NRG3: variants seen among roughly 807,000 people sequenced by gnomAD.
NRG3 encodes pro-neuregulin-3, membrane-bound isoform.
NRG3 carries 31 observed loss-of-function variants against 66.9 expected under a neutral mutation model. That is an observed-to-expected ratio of 0.46 (90% CI 0.35 to 0.63). The LOEUF (loss-of-function observed/expected upper bound fraction) is 0.63. Among genes scored for constraint, NRG3 ranks in the 20% least tolerant of loss-of-function variants. NRG3 has a pLI of 0.00. For missense variants in NRG3, 910 were observed against 878.9 expected (o/e 1.04, Z -0.45); for synonymous variants, 393 against 359.4 (o/e 1.09, Z -1.06).
intron 1 of NRG3, among the ~76,000 whole-genome samples, chr10:82,204,399 G>T (rs1016057349): frequency 6.6e-6 from 1 of 152,188 alleles, no homozygotes; most frequent in East Asian, 1.9e-4. Flanking sequence ...TCATCAGTGG[G>T]CTCCTTTGCC....
At chr10:82,296,119 A>C (rs1157832998) in intron 1 of NRG3, among the ~76,000 whole-genome samples, 1 of 152,186 alleles carries the variant, frequency 6.6e-6, no homozygotes, top group Non-Finnish European at 1.5e-5. Context: ...AAGGTTGGGC[A>C]TGAGCATTTC....
chr10:82,317,733 A>G (rs2081366973), intron 1 of NRG3, among the ~76,000 whole-genome samples: 1 of 152,232 alleles, frequency 6.6e-6, no homozygotes, highest in African/African-American at 2.4e-5. Flanking sequence ...ATAATGAGAC[A>G]AGTCTCAATC....
chr10:82,285,350 T>C (rs949259429), intron 1 of NRG3, among the ~76,000 whole-genome samples: 2 of 152,208 alleles, frequency 1.3e-5, no homozygotes, highest in African/African-American at 2.4e-5. Flanking sequence ...TTTTCATTCC[T>C]GGATCAATCC....
At chr10:82,371,498 A>G (rs1410075632) in intron 2 of NRG3, among the ~76,000 whole-genome samples, 1 of 152,170 alleles carries the variant, frequency 6.6e-6, no homozygotes, top group Non-Finnish European at 1.5e-5. Context: ...AGTGGTAAGA[A>G]TATAGTGATG....
intron 2 of NRG3, among the ~76,000 whole-genome samples, chr10:82,509,182 TC>T (rs1420189531): frequency 6.6e-6 from 1 of 151,712 alleles, no homozygotes; most frequent in Admixed American, 6.6e-5. Context: ...AGTTTTCTTC[TC>T]CTTGCCATAC....
chr10:82,903,975 A>G lies in NRG3; in HGVS notation c.1054+38538A>G, dbSNP rs77541994. On this transcript the variant is annotated intron_variant, in intron 4 of 8. Coordinates refer to ENST00000372141, the MANE Select transcript of NRG3 (RefSeq NM_001010848.4). ...CAGATGTGTTGACTCTGGTTACTGT[A>G]CATGTCTTGTCATCCCTTTGGCATT... Among the ~76,000 whole-genome samples the G allele has an allele frequency of 2.5e-3, 383 of 152,290 alleles. 8 individuals are homozygous for G. Among genetic ancestry groups the G allele is most frequent in the African/African-American group, 8.4e-3 (350 of 41,576 alleles).
chr10:82,693,858 A>G (rs1447181162), intron 2 of NRG3, among the ~76,000 whole-genome samples: 1 of 152,230 alleles, frequency 6.6e-6, no homozygotes, highest in Non-Finnish European at 1.5e-5. Context: ...GAGTGAAAGA[A>G]CAAAGCTCCC....
chr10:82,979,438 A>T (rs1852619671), intron 8 of NRG3, among the ~76,000 whole-genome samples: 1 of 152,188 alleles, frequency 6.6e-6, no homozygotes. Flanking sequence ...TCAAAGGAGG[A>T]TTAAAGTGTT....
At chr10:82,025,413 A>G (rs1314431376) in intron 1 of NRG3, among the ~76,000 whole-genome samples, 2 of 151,818 alleles carry the variant, frequency 1.3e-5, no homozygotes, top group Non-Finnish European at 2.9e-5. Context: ...ACTTTGGAAC[A>G]TGAGTAATTT....
intron 1 of NRG3, among the ~76,000 whole-genome samples, chr10:82,231,240 G>A (rs1311231770): frequency 6.6e-6 from 1 of 152,130 alleles, no homozygotes; most frequent in Non-Finnish European, 1.5e-5. Flanking sequence ...CTGTTCGGGA[G>A]GCTGAGGCAG....
intron 3 of NRG3, among the ~76,000 whole-genome samples, chr10:82,856,196 A>T (rs899317036): frequency 6.6e-6 from 1 of 152,204 alleles, no homozygotes; most frequent in African/African-American, 2.4e-5. Flanking sequence ...GAGCTTAACC[A>T]GATGGCATTT....
At chr10:82,842,908 A>T (rs1422583598) in intron 3 of NRG3, among the ~76,000 whole-genome samples, 1 of 152,196 alleles carries the variant, frequency 6.6e-6, no homozygotes, top group Admixed American at 6.5e-5. Flanking sequence ...TCTTTTATAC[A>T]TGCACACCTA....
At chr10:82,830,993 G>T (rs547238313) in intron 3 of NRG3, among the ~76,000 whole-genome samples, 4 of 152,282 alleles carry the variant, frequency 2.6e-5, no homozygotes, top group African/African-American at 9.6e-5. Flanking sequence ...AAAACAAATA[G>T]AAATTGAATG....
rs1471250555 is a variant in NRG3, at chr10:82,368,528, C to A, written c.953+9660C>A. On this transcript the variant is annotated intron_variant, in intron 2 of 8. Transcript: ENST00000372141. ...TCCTGAAGAAAAAACATGGGAAAAA[C>A]ACTCCTTACCACCTACAGTTTAGGC... is the stretch of plus-strand genomic sequence containing the variant. 1.5e-5 allele frequency among the ~76,000 whole-genome samples: 2 copies of A among 137,420 alleles called. 1 individual carries two copies. Among genetic ancestry groups the A allele is most frequent in the African/African-American group, 6.8e-5 (2 of 29,274 alleles). The allele number at this position is 137,420 out of a possible 152,430, so 90.2% of individuals were successfully genotyped here. A position where few individuals can be genotyped will look rare whatever the true frequency, so the allele number is the denominator to read the frequency against.
intron 3 of NRG3, among the ~76,000 whole-genome samples, chr10:82,744,266 T>C (rs1375790631): frequency 1.3e-5 from 2 of 152,198 alleles, no homozygotes; most frequent in African/African-American, 4.8e-5. Flanking sequence ...CCATTTGGGA[T>C]GCTATGAAAA....
At chr10:82,738,675 C>A in intron 3 of NRG3, 25 bp downstream of exon 3, 1 of 1,587,466 alleles carries the variant, frequency 6.3e-7, no homozygotes, top group East Asian at 2.2e-5. Context: ...TTTCTTCTCT[C>A]TAATGCAATA....
chr10:82,618,891 T>G (rs865920458), intron 2 of NRG3, among the ~76,000 whole-genome samples: 8 of 151,186 alleles, frequency 5.3e-5, no homozygotes, highest in African/African-American at 2.0e-4. Flanking sequence ...CAGTGCAAAA[T>G]TTTAACATAT....
intron 1 of NRG3, among the ~76,000 whole-genome samples, chr10:81,948,133 T>G (rs1849014033): frequency 6.6e-6 from 1 of 152,304 alleles, no homozygotes; most frequent in Non-Finnish European, 1.5e-5. Flanking sequence ...GTACTTTTTC[T>G]TCTATTGTAA....
At chr10:82,137,022 G>A (rs1265223129) in intron 1 of NRG3, among the ~76,000 whole-genome samples, 1 of 152,176 alleles carries the variant, frequency 6.6e-6, no homozygotes, top group African/African-American at 2.4e-5. Context: ...AAGGTACTGT[G>A]ATTACTCACC....
Sources: gnomAD v4.1 joint callset for allele counts (sites outside exome capture counted in the v4.1 genomes callset) on GRCh38, gnomAD v4.1.1 for gene constraint, MANE v1.5 for transcripts, NCBI Gene and HGNC (gene_info 2026-07-23, HGNC 2026-07-21) for gene names.